Variants in CLSTN2 observed in about 807,000 individuals in gnomAD.
CLSTN2 encodes calsyntenin-2.
Under a neutral mutation model 101.2 loss-of-function variants are expected in CLSTN2, and 48 were observed. The observed-to-expected ratio is 0.47, with a 90% CI of 0.38 to 0.60. The LOEUF (loss-of-function observed/expected upper bound fraction) is 0.60, where lower values mean the gene tolerates loss of function less well. CLSTN2 is among the 20% of genes least tolerant of loss of function. The pLI is 0.00. For synonymous variants in CLSTN2, 481 were observed against 463.6 expected (o/e 1.04, Z -0.48); for missense variants, 1,160 against 1,238.2 (o/e 0.94, Z 0.95).
intron 2 of CLSTN2, among the ~76,000 whole-genome samples, chr3:140,366,007 C>T (rs997194023): frequency 6.6e-6 from 1 of 152,174 alleles, no homozygotes; most frequent in African/African-American, 2.4e-5. Flanking sequence ...GGGCCAGAAA[C>T]CCTCTCCACG....
intron 2 of CLSTN2, among the ~76,000 whole-genome samples, chr3:140,190,715 C>T (rs1200507137): frequency 3.3e-5 from 5 of 151,912 alleles, no homozygotes; most frequent in African/African-American, 4.8e-5. Context: ...GTTGTATTTG[C>T]TATTACTGCT....
chr3:140,249,827 G>C (rs892424234), intron 2 of CLSTN2, among the ~76,000 whole-genome samples: 2 of 152,164 alleles, frequency 1.3e-5, no homozygotes, highest in Non-Finnish European at 2.9e-5. Context: ...CAGGAGGTTA[G>C]AGATGTCAAG....
intron 2 of CLSTN2, among the ~76,000 whole-genome samples, chr3:140,338,252 A>C (rs2087461436): frequency 6.6e-6 from 1 of 151,712 alleles, no homozygotes; most frequent in South Asian, 2.1e-4. Context: ...TTAGTGATAG[A>C]TCTCCATCTG....
At chr3:139,946,030 G>C (rs1438206886) in intron 1 of CLSTN2, among the ~76,000 whole-genome samples, 4 of 152,076 alleles carry the variant, frequency 2.6e-5, no homozygotes, top group Admixed American at 2.0e-4. Flanking sequence ...CAAACTAAAA[G>C]CACTTTACAT....
chr3:140,038,836 T>A (rs936229582), intron 1 of CLSTN2, among the ~76,000 whole-genome samples: 1 of 152,194 alleles, frequency 6.6e-6, no homozygotes, highest in South Asian at 2.1e-4. Context: ...CAAAGGACAA[T>A]GTATTAGGTC....
At chr3:139,977,213 G>C (rs932121260) in intron 1 of CLSTN2, among the ~76,000 whole-genome samples, 3 of 152,274 alleles carry the variant, frequency 2.0e-5, no homozygotes, top group Admixed American at 1.3e-4. Flanking sequence ...CTTCTACCAA[G>C]GAGCTGGCTG....
intron 8 of CLSTN2, chr3:140,508,475 A>C (rs939492930): frequency 6.6e-6 from 1 of 152,242 alleles, no homozygotes; most frequent in African/African-American, 2.4e-5. Flanking sequence ...TACCTTGAGA[A>C]GCTCAGAGGC....
At chr3:140,415,673 T>C (rs1360894268) in intron 4 of CLSTN2, among the ~76,000 whole-genome samples, 1 of 152,118 alleles carries the variant, frequency 6.6e-6, no homozygotes, top group African/African-American at 2.4e-5. Context: ...ATTATTAGGA[T>C]GACTACTGTC....
chr3:140,319,722 T>A (rs960067613), intron 2 of CLSTN2, among the ~76,000 whole-genome samples: 53 of 152,194 alleles, frequency 3.5e-4, no homozygotes, highest in African/African-American at 1.2e-3. Context: ...AGCATGTGCC[T>A]TAGCATGACC....
intron 1 of CLSTN2, among the ~76,000 whole-genome samples, chr3:140,155,073 T>C (rs1035551760): frequency 6.6e-6 from 1 of 152,068 alleles, no homozygotes; most frequent in Non-Finnish European, 1.5e-5. Flanking sequence ...AGCCAAACCA[T>C]ATCCACAGCC....
chr3:139,937,079 G>A (rs1935034451), intron 1 of CLSTN2, among the ~76,000 whole-genome samples: 1 of 120,386 alleles, frequency 8.3e-6, no homozygotes, highest in Admixed American at 8.9e-5. Context: ...TAGACACTTT[G>A]TTAAACAGGC....
At chr3:140,031,956 T>C (rs1030495584) in intron 1 of CLSTN2, among the ~76,000 whole-genome samples, 5 of 152,164 alleles carry the variant, frequency 3.3e-5, no homozygotes, top group Middle Eastern at 3.2e-3. Flanking sequence ...ATGAAGAGGT[T>C]AGACTCCAGG....
At chr3:140,308,295 G>A (rs902196070) in intron 2 of CLSTN2, among the ~76,000 whole-genome samples, 5 of 152,224 alleles carry the variant, frequency 3.3e-5, no homozygotes, top group African/African-American at 1.2e-4. Flanking sequence ...CACATTAGAT[G>A]TTGATGTGCA....
rs899527409 is a variant in CLSTN2 at position 140,570,619 on chromosome 3, C to G, written c.*4366C>G. On this transcript the variant is annotated 3_prime_UTR_variant, in exon 17 of 17. Transcript: ENST00000458420. Reference sequence around the variant, plus strand: ...AATGAATGTTTCAATACAACTTTATCTAGTTTCCATAAAACAATTTAAAAA... The same window carrying G: ...AATGAATGTTTCAATACAACTTTATGTAGTTTCCATAAAACAATTTAAAAA... The G allele has an allele frequency of 6.6e-6, 1 of 152,176 alleles. No individual in the cohort carries two copies. Among genetic ancestry groups the G allele is most frequent in the Non-Finnish European group, 1.5e-5 (1 of 68,024 alleles). The allele number at this position is 152,176 out of a possible 1,614,324, so 9.4% of individuals were successfully genotyped here.
chr3:139,975,269 G>A (rs1177130104), intron 1 of CLSTN2, among the ~76,000 whole-genome samples: 1 of 152,182 alleles, frequency 6.6e-6, no homozygotes, highest in African/African-American at 2.4e-5. Flanking sequence ...ATAGCACCTT[G>A]GGCAAAGTGG....
At chr3:140,104,689 C>T (rs561628909) in intron 1 of CLSTN2, among the ~76,000 whole-genome samples, 2 of 152,258 alleles carry the variant, frequency 1.3e-5, no homozygotes, top group Admixed American at 6.5e-5. Flanking sequence ...AATTAAAAGG[C>T]AAGATTAGAT....
intron 1 of CLSTN2, among the ~76,000 whole-genome samples, chr3:140,087,835 A>G (rs983008709): frequency 1.3e-5 from 2 of 152,274 alleles, no homozygotes; most frequent in Admixed American, 6.5e-5. Context: ...ATGGAAGGAA[A>G]TAGAGGTGAG....
chr3:140,452,978 G>C (rs1438762838), intron 6 of CLSTN2, among the ~76,000 whole-genome samples: 1 of 152,206 alleles, frequency 6.6e-6, no homozygotes, highest in Non-Finnish European at 1.5e-5. Flanking sequence ...TTCCAGAGGT[G>C]CGTGTCACAG....
At chr3:140,479,404 A>T (rs573009776) in intron 8 of CLSTN2, among the ~76,000 whole-genome samples, 2 of 152,330 alleles carry the variant, frequency 1.3e-5, no homozygotes, top group South Asian at 4.1e-4. Flanking sequence ...CAGAATCCAG[A>T]GTTTCTACTA....
Sources: allele counts gnomAD v4.1 joint callset (sites outside exome capture counted in the v4.1 genomes callset), GRCh38; gene constraint gnomAD v4.1.1; transcripts MANE v1.5; gene names NCBI Gene and HGNC (gene_info 2026-07-23, HGNC 2026-07-21).